DNAH1: variants seen among roughly 807,000 people sequenced by gnomAD.
DNAH1 encodes the protein axonemal beta dynein heavy chain 1.
A neutral mutation model predicts 484.3 loss-of-function variants in DNAH1; 327 were observed. The observed-to-expected ratio is 0.68, with a 90% confidence interval of 0.62 to 0.74. The LOEUF is 0.74. DNAH1 is among the 30% of genes least tolerant of loss of function. The pLI is 0.00. For synonymous variants in DNAH1, 2,192 were observed against 2,191.9 expected (o/e 1.00, Z 0.00); for missense variants, 5,052 against 5,546.8 (o/e 0.91, Z 2.83).
rs147093209 is a variant in DNAH1, at chr3:52,323,485, T to C, written c.334-323T>C. On this transcript the variant is annotated intron_variant, in intron 2 of 77. Coordinates refer to ENST00000420323, the MANE Select transcript of DNAH1 (RefSeq NM_015512.5). ...CCAGTGGCCCTTGGGAGAGGAGGTA[T>C]GTACAGAGATACCTGCTGGCCTTGC... Among the ~76,000 whole-genome samples, 18 of 152,226 alleles carry C rather than the reference T, an allele frequency of 1.2e-4. No homozygotes were observed. The East Asian group carries it at 3.3e-3, about 28-fold the overall frequency.
At chr3:52,374,351 C>T (rs1322203296) in intron 44 of DNAH1, 4 of 1,487,870 alleles carry the variant, frequency 2.7e-6, no homozygotes, top group Admixed American at 3.3e-5. Context: ...GTGTCTACCA[C>T]CCCCAGCTGG....
chr3:52,350,332 C>G (rs1258211359), intron 15 of DNAH1, among the ~76,000 whole-genome samples, 176 bp from the exon 16 acceptor site: 2 of 152,028 alleles, frequency 1.3e-5, no homozygotes, highest in Non-Finnish European at 2.9e-5. Flanking sequence ...AGCCATGGCT[C>G]TAGGAGCCCT....
rs1026037106 is a variant in DNAH1 at position 52,379,509 on chromosome 3, T to C, written c.7378-396T>C. ...ATTGGTGGGTCATGTCAGTGTGGCTTGGTGGGTGGTTAGATGTGGGGTGTT... is the reference window on the plus strand; with the variant it reads ...ATTGGTGGGTCATGTCAGTGTGGCTCGGTGGGTGGTTAGATGTGGGGTGTT... On this transcript the variant is annotated intron_variant, in intron 47 of 77. Coordinates refer to ENST00000420323, the MANE Select transcript of DNAH1 (RefSeq NM_015512.5). The surrounding 1 kb of genome is among the most constrained non-coding windows in gnomAD (Gnocchi z 4.4). Among the ~76,000 whole-genome samples the C allele has an allele frequency of 6.6e-6, 1 of 151,822 alleles. No individual in the cohort carries two copies. Among genetic ancestry groups the C allele is most frequent in the African/African-American group, 2.4e-5 (1 of 41,300 alleles).
In DNAH1 at chr3:52,359,078, C is replaced by A. The variant is rs111802790; in HGVS notation, c.4267-168C>A. On this transcript the variant is annotated intron_variant, in intron 25 of 77. Transcript: ENST00000420323. ...GTCAGTTCAGAGATATCTCTGCCAC[C>A]CTGAGAAGCCCAGAGCATAAGGGCT... Among the ~76,000 whole-genome samples the A allele has an allele frequency of 3.1e-3, 479 of 152,272 alleles. 1 individual carries two copies. Among genetic ancestry groups the A allele is most frequent in the African/African-American group, 0.011 (462 of 41,552 alleles).
At position 52,381,640 on chromosome 3, in the gene DNAH1, A is replaced by G; in HGVS notation, c.7609A>G (p.Met2537Val). The change falls in exon 49 of 78, where the codon ATG becomes GTG. Residue 2537 changes from methionine (M) to valine (V), a missense_variant and splice_region_variant. Met to Val is a conservative substitution (Grantham distance 21). This residue lies in a region of DNAH1 where 2,929 missense variants were observed against 3,409.4 expected (regional missense o/e 0.86). Coordinates refer to ENST00000420323, the MANE Select transcript of DNAH1 (RefSeq NM_015512.5). This position sits in a 1 kb window ranked among gnomAD's most constrained non-coding sequence, Gnocchi z 4.1. ...TCCCCATCCTCGCCTTGGTGCACAG[A>G]TGATGCAGGTGATAGAGGAGTACAT... Reference protein sequence around the residue: ...SYELITSESKMMQVIEEYIED... With the variant: ...SYELITSESKVMQVIEEYIED... 6.2e-7 allele frequency: 1 copy of G among 1,601,676 alleles called. No homozygotes were observed. The highest frequency in any genetic ancestry group is 8.5e-7 in the Non-Finnish European group (1 of 1,173,052).
In DNAH1 at chr3:52,381,947, C is replaced by A. The variant is rs1303749133; in HGVS notation, c.7805+111C>A. The A allele has an allele frequency of 3.4e-6, 4 of 1,165,400 alleles. No individual in the cohort carries two copies. In the African/African-American group the frequency reaches 6.2e-5, roughly 18 times the overall value. The allele number at this position is 1,165,400 out of a possible 1,614,324, so 72.2% of individuals were successfully genotyped here. Reference sequence around the variant, plus strand: ...AGGCCTCGGGCAACCCTGAAGTAGGCCCGTGCAGCCTACAGGCTTCTGGAA... The same window carrying A: ...AGGCCTCGGGCAACCCTGAAGTAGGACCGTGCAGCCTACAGGCTTCTGGAA... On this transcript the variant is annotated intron_variant, in intron 49 of 77. Transcript: ENST00000420323. The surrounding 1 kb of genome is among the most constrained non-coding windows in gnomAD (Gnocchi z 4.1).
chr3:52,365,652 C>T (rs2153224529), intron 34 of DNAH1, among the ~76,000 whole-genome samples: 1 of 152,250 alleles, frequency 6.6e-6, no homozygotes, highest in East Asian at 1.9e-4. Flanking sequence ...TCCAGCAGGT[C>T]CTTTGGTGGG....
At chr3:52,325,861 T>C (rs1431170542) in intron 3 of DNAH1, among the ~76,000 whole-genome samples, 2 of 152,192 alleles carry the variant, frequency 1.3e-5, no homozygotes, top group Non-Finnish European at 2.9e-5. Context: ...CCCCTGGTGC[T>C]GGGTGGTGTG....
chr3:52,315,936 G>A (rs939508415), upstream of DNAH1, among the ~76,000 whole-genome samples: 17 of 152,230 alleles, frequency 1.1e-4, no homozygotes, highest in Non-Finnish European at 2.4e-4. Flanking sequence ...GAAGAGGGGC[G>A]AAGTGGAGCT....
intron 26 of DNAH1, 119 bp downstream of exon 26, chr3:52,359,505 A>G (rs1047899861): frequency 1.7e-5 from 23 of 1,382,952 alleles, no homozygotes; most frequent in African/African-American, 1.4e-4. Flanking sequence ...GGTTGGGTCT[A>G]AAGGGGAGGT....
At position 52,381,519 on chromosome 3, in the gene DNAH1, G is replaced by C. The variant is rs1234830086; in HGVS notation, c.7609-121G>C. The C allele has an allele frequency of 4.6e-6, 4 of 877,466 alleles. No individual in the cohort carries two copies. The highest frequency in any genetic ancestry group is 6.9e-6 in the Non-Finnish European group (4 of 577,900). 54.4% of individuals were successfully genotyped at this position (877,466 alleles called of 1,614,324 possible). ...GAAACATGCAGCTGGCCGGGTCACA[G>C]GTGGTCAAGGCACCTGTGCTTCTCA... On this transcript the variant is annotated intron_variant, in intron 48 of 77. Coordinates refer to ENST00000420323, the MANE Select transcript of DNAH1 (RefSeq NM_015512.5). The surrounding 1 kb of genome is among the most constrained non-coding windows in gnomAD (Gnocchi z 4.1).
chr3:52,377,990 A>T (rs67248391), intron 46 of DNAH1, among the ~76,000 whole-genome samples: 27,158 of 152,082 alleles, frequency 0.18, 2,751 homozygotes, highest in African/African-American at 0.26. Flanking sequence ...GTGTCAACAG[A>T]CAGGCCCCTC....
rs781221560 is a variant in DNAH1, at chr3:52,332,139, C to G, written c.1034-3C>G. 6.4e-7 allele frequency: 1 copy of G among 1,551,472 alleles called. No homozygotes were observed. The highest frequency in any genetic ancestry group is 2.4e-5 in the East Asian group (1 of 41,096). ...CCCCTTCTCCCTCTCACCCGGCCCC[C>G]AGGAAGGCCACCCCTTCAGGTCTGT... On this transcript the variant is annotated splice_polypyrimidine_tract_variant and splice_region_variant and intron_variant, in intron 7 of 77. Transcript: ENST00000420323.
At chr3:52,341,399 TAGA>T (rs1490690522) in intron 8 of DNAH1, among the ~76,000 whole-genome samples, 1 of 152,090 alleles carries the variant, frequency 6.6e-6, no homozygotes, top group Non-Finnish European at 1.5e-5. Context: ...CAGGGTATAA[TAGA>T]AGAAGCAGCT....
In DNAH1 at chr3:52,395,377, G is replaced by A. The variant is rs1376185637; in HGVS notation, c.11038G>A (p.Gly3680Ser). 12 of 1,613,628 alleles carry A rather than the reference G, an allele frequency of 7.4e-6. No individual in the cohort carries two copies. Among genetic ancestry groups the A allele is most frequent in the South Asian group, 4.4e-5 (4 of 91,060 alleles). ...TTPLIFVLSP[G>S]TDPAADLYKF... The stretch of plus-strand genomic sequence containing the variant: ...ACCCCTCATCTTTGTGCTGTCACCC[G>A]GCACAGACCCTGCTGCCGACCTCTA... The change falls in exon 69 of 78, where the codon GGC (glycine) becomes AGC (serine). Residue 3680 changes from glycine to serine, a missense_variant. This residue lies in a region of DNAH1 where 853 missense variants were observed against 899.0 expected (regional missense o/e 0.95). Transcript: ENST00000420323. This position sits in a 1 kb window ranked among gnomAD's most constrained non-coding sequence, Gnocchi z 4.4.
At chr3:52,376,391 C>T (rs934779662) in intron 46 of DNAH1, among the ~76,000 whole-genome samples, 6 of 152,212 alleles carry the variant, frequency 3.9e-5, no homozygotes, top group African/African-American at 1.2e-4. Flanking sequence ...CGCGGCAAGG[C>T]GGCTGACCAC....
At chr3:52,373,115 G>A (rs963555805) in intron 44 of DNAH1, 62 bp downstream of exon 44, 12 of 1,514,702 alleles carry the variant, frequency 7.9e-6, no homozygotes, top group South Asian at 3.8e-5. Context: ...GGGCACAGGA[G>A]GCACAGCACT....
chr3:52,394,595 T>C lies in DNAH1; in HGVS notation c.10757T>C (p.Phe3586Ser), dbSNP rs1422498842. The C allele has an allele frequency of 1.3e-5, 21 of 1,608,920 alleles. No individual in the cohort carries two copies. Among genetic ancestry groups the C allele is most frequent in the South Asian group, 4.4e-5 (4 of 90,694 alleles). Residue 3586 changes from phenylalanine to serine, a missense_variant, in exon 67 of 78, where the codon TTC becomes TCC. By Grantham distance (155) the Phe-to-Ser change is radical. Coordinates refer to ENST00000420323, the MANE Select transcript of DNAH1 (RefSeq NM_015512.5). ...ALSNLPTFSS[F>S]SSDFVKHLSE... The stretch of plus-strand genomic sequence containing the variant: ...TCGAACCTGCCAACCTTTTCCTCCT[T>C]CTCTTCCGACTTCGTGAAGCACCTC...
rs1262061093 is a variant in DNAH1 at position 52,358,285 on chromosome 3, C to A, written c.4087-273C>A. On this transcript the variant is annotated intron_variant, in intron 24 of 77. Transcript: ENST00000420323. This position sits in a 1 kb window ranked among gnomAD's most constrained non-coding sequence, Gnocchi z 4.2. ...TGTGGCCTGCCTTGTCTTCCCTCAT[C>A]TATGCAGGAGGCCGGGGACATGCAA... 6.6e-6 allele frequency among the ~76,000 whole-genome samples: 1 copy of A among 152,246 alleles called. No homozygotes were observed. The highest frequency in any genetic ancestry group is 1.9e-4 in the East Asian group (1 of 5,192).
Sources: gnomAD v4.1 joint callset for allele counts (sites outside exome capture counted in the v4.1 genomes callset) on GRCh38, gnomAD v4.1.1 for gene constraint, gnomAD v4.1.1 regional missense constraint, Gnocchi (gnomAD v3.1) non-coding constraint, MANE v1.5 for transcripts, NCBI Gene and HGNC (gene_info 2026-07-23, HGNC 2026-07-21) for gene names.